The following BATF3 variants were observed in gnomAD, a reference collection of about 807,000 sequenced individuals.
BATF3 encodes the protein basic leucine zipper ATF-like transcription factor 3, also known as basic leucine zipper transcriptional factor ATF-like 3.
In BATF3, 8 loss-of-function variants were observed where a neutral mutation model predicts 16.1. The ratio of observed to expected loss-of-function variants is 0.50; its 90% confidence interval spans 0.29 to 0.90. The LOEUF is 0.90. Ranked by LOEUF, BATF3 falls within the 40% of genes least tolerant of loss-of-function variation. BATF3 has a pLI of 0.08. For synonymous variants in BATF3, 74 were observed against 72.7 expected (o/e 1.02, Z -0.09); for missense variants, 139 against 167.0 (o/e 0.83, Z 0.92).
intron 2 of BATF3, among the ~76,000 whole-genome samples, chr1:212,690,014 C>A (rs1257289509): frequency 6.6e-6 from 1 of 151,748 alleles, no homozygotes; most frequent in Non-Finnish European, 1.5e-5. Flanking sequence ...CTCACACAGT[C>A]ACACACACTC....
Position 212,689,825 on chromosome 1 carries a change from A to T in BATF3, c.196-2846T>A, listed in dbSNP as rs1045050564. The stretch of plus-strand genomic sequence containing the variant: ...TACACAGCCCGACACACACACTCTC[A>T]CACACACACACTCATACACAACCAC... On this transcript the variant is annotated intron_variant, in intron 2 of 2. Coordinates refer to ENST00000243440, the MANE Select transcript of BATF3 (RefSeq NM_018664.3). The surrounding 1 kb of genome is among the most constrained non-coding windows in gnomAD (Gnocchi z 4.6). 7.2e-6 allele frequency among the ~76,000 whole-genome samples: 1 copy of T among 138,270 alleles called. No individual in the cohort carries two copies. Among genetic ancestry groups the T allele is most frequent in the Non-Finnish European group, 1.5e-5 (1 of 67,566 alleles). The allele number at this position is 138,270 out of a possible 152,430, so 90.7% of individuals were successfully genotyped here. A position where few individuals can be genotyped will look rare whatever the true frequency, so the allele number is the denominator to read the frequency against.
chr1:212,696,390 C>T (rs768740044), intron 2 of BATF3, among the ~76,000 whole-genome samples: 1 of 151,642 alleles, frequency 6.6e-6, no homozygotes, highest in Non-Finnish European at 1.5e-5. Context: ...AGTGCCAGGG[C>T]ACTGATGGCT....
rs767493633 is a variant in BATF3, at chr1:212,686,880, C to T, written c.295G>A (p.Glu99Lys). 2.5e-6 allele frequency: 4 copies of T among 1,614,214 alleles called. No individual in the cohort carries two copies. The highest frequency in any genetic ancestry group is 2.2e-5 in the East Asian group (1 of 44,886). The change falls in exon 3 of 3, where the codon GAG becomes AAG. Residue 99 changes from glutamate (E) to lysine (K), a missense_variant. Coordinates refer to ENST00000243440, the MANE Select transcript of BATF3 (RefSeq NM_018664.3). ...CAGAGCAGCAGCGGGCACATCTTCT[C>T]GTGCTCCTTCAGTGCCTCTGTCAGG... ...KHLTEALKEH[E>K]KMCPLLLCPM...
At chr1:212,695,484 C>T (rs1438650015) in intron 2 of BATF3, among the ~76,000 whole-genome samples, 2 of 93,596 alleles carry the variant, frequency 2.1e-5, no homozygotes, top group Non-Finnish European at 4.0e-5. Flanking sequence ...AACAGAGACT[C>T]TGTCTCAAAA....
At chr1:212,696,886 C>T in intron 2 of BATF3, 75 bp downstream of exon 2, 3 of 1,062,376 alleles carry the variant, frequency 2.8e-6, no homozygotes, top group South Asian at 1.3e-5. Context: ...ATAAAGAGAA[C>T]AGTCATCACC....
Position 212,699,664 on chromosome 1 carries a change from GC to G in BATF3, c.90+8del. 1 of 1,323,588 alleles carries G rather than the reference GC, an allele frequency of 7.6e-7. No homozygotes were observed. Among genetic ancestry groups the G allele is most frequent in the Non-Finnish European group, 9.7e-7 (1 of 1,033,594 alleles). 82.0% of individuals were successfully genotyped at this position (1,323,588 alleles called of 1,614,324 possible). On this transcript the variant is annotated splice_region_variant and intron_variant, in intron 1 of 2. Coordinates refer to ENST00000243440, the MANE Select transcript of BATF3 (RefSeq NM_018664.3). This position sits in a 1 kb window ranked among gnomAD's most constrained non-coding sequence, Gnocchi z 4.4. Reference sequence around the variant, plus strand: ...CCCCACGGCCCTCCCTGAGCCTCTCGCCCTCTACCTGCTGCTGCGGCTGCGG... The same window carrying G: ...CCCCACGGCCCTCCCTGAGCCTCTCGCCTCTACCTGCTGCTGCGGCTGCGG...
rs1276943160 is a variant in BATF3, at chr1:212,689,811, A to G, written c.196-2832T>C. Among the ~76,000 whole-genome samples, 1 of 150,080 alleles carries G rather than the reference A, an allele frequency of 6.7e-6. No individual in the cohort carries two copies. Among genetic ancestry groups the G allele is most frequent in the African/African-American group, 2.5e-5 (1 of 39,738 alleles). On this transcript the variant is annotated intron_variant, in intron 2 of 2. Transcript: ENST00000243440. The surrounding 1 kb of genome is among the most constrained non-coding windows in gnomAD (Gnocchi z 4.6). ...CTCACACACTCTCATACACAGCCCG[A>G]CACACACACTCTCACACACACACAC... is the stretch of plus-strand genomic sequence containing the variant.
chr1:212,694,701 A>T (rs964118485), intron 2 of BATF3, among the ~76,000 whole-genome samples: 3 of 152,212 alleles, frequency 2.0e-5, no homozygotes, highest in Admixed American at 6.5e-5. Flanking sequence ...TATTTTGGTA[A>T]CATGACACTA....
chr1:212,696,671 G>A (rs565390217), intron 2 of BATF3, among the ~76,000 whole-genome samples: 4 of 152,226 alleles, frequency 2.6e-5, no homozygotes, highest in African/African-American at 9.6e-5. Flanking sequence ...AAGTAAGGAC[G>A]TGAGGGAAGA....
At chr1:212,692,282 C>T (rs1452404291) in intron 2 of BATF3, among the ~76,000 whole-genome samples, 2 of 152,136 alleles carry the variant, frequency 1.3e-5, no homozygotes, top group African/African-American at 4.8e-5. Flanking sequence ...TTCAGCAGCA[C>T]ATACATTAAA....
At chr1:212,695,946 C>G (rs563594378) in intron 2 of BATF3, among the ~76,000 whole-genome samples, 1 of 152,234 alleles carries the variant, frequency 6.6e-6, no homozygotes, top group African/African-American at 2.4e-5. Context: ...GAGAAAGTCT[C>G]AGGGTAAACG....
chr1:212,695,284 G>A (rs1657097646), intron 2 of BATF3, among the ~76,000 whole-genome samples: 1 of 151,998 alleles, frequency 6.6e-6, no homozygotes, highest in Non-Finnish European at 1.5e-5. Context: ...CACGAGGTGA[G>A]GAGTTCGAGA....
chr1:212,692,419 C>T (rs1030602701), intron 2 of BATF3, among the ~76,000 whole-genome samples: 4 of 152,078 alleles, frequency 2.6e-5, no homozygotes, highest in Non-Finnish European at 5.9e-5. Context: ...AAACCAGAGG[C>T]TCAAGTATAG....
Position 212,699,256 on chromosome 1 carries a change from A to ACAC in BATF3, c.90+416_90+417insGTG, listed in dbSNP as rs1657204349. Among the ~76,000 whole-genome samples, 1 of 151,070 alleles carries ACAC rather than the reference A, an allele frequency of 6.6e-6. No homozygotes were observed. Among genetic ancestry groups the ACAC allele is most frequent in the Non-Finnish European group, 1.5e-5 (1 of 67,692 alleles). On this transcript the variant is annotated intron_variant, in intron 1 of 2. Transcript: ENST00000243440. The surrounding 1 kb of genome is among the most constrained non-coding windows in gnomAD (Gnocchi z 4.4). The stretch of plus-strand genomic sequence containing the variant: ...CGGCGTTCTCCATTCCCGCGGCAGC[A>ACAC]CCCCCCCCACCCGGGGGAATCCTGG...
intron 2 of BATF3, among the ~76,000 whole-genome samples, chr1:212,688,065 G>GAAAAA: frequency 7.1e-6 from 1 of 139,974 alleles, no homozygotes; most frequent in African/African-American, 2.6e-5. Flanking sequence ...AGAGAGAAAA[G>GAAAAA]AAAAAAAAAA....
At position 212,690,521 on chromosome 1, in the gene BATF3, G is replaced by A. The variant is rs114509828; in HGVS notation, c.196-3542C>T. Among the ~76,000 whole-genome samples, 660 of 152,300 alleles carry A rather than the reference G, an allele frequency of 4.3e-3. 6 individuals carry two copies. The highest frequency in any genetic ancestry group is 0.015 in the African/African-American group (642 of 41,576). On this transcript the variant is annotated intron_variant, in intron 2 of 2. Coordinates refer to ENST00000243440, the MANE Select transcript of BATF3 (RefSeq NM_018664.3). ...AGAAGTCAAAATCTTTAGGTGAGAC[G>A]AGCCCTTTGAAAATAACAAGAGGAG...
intron 1 of BATF3, chr1:212,698,865 A>T (rs1657191385): frequency 6.6e-6 from 1 of 152,240 alleles, no homozygotes; most frequent in Non-Finnish European, 1.5e-5. Flanking sequence ...CATTTTACAG[A>T]TGGGGAAATG....
intron 2 of BATF3, among the ~76,000 whole-genome samples, chr1:212,692,136 C>T (rs542055545): frequency 6.6e-6 from 1 of 152,322 alleles, no homozygotes; most frequent in South Asian, 2.1e-4. Flanking sequence ...CCACAGAGGG[C>T]TCGCCTTGAC....
At chr1:212,688,771 T>C (rs1342984272) in intron 2 of BATF3, among the ~76,000 whole-genome samples, 2 of 152,236 alleles carry the variant, frequency 1.3e-5, no homozygotes, top group Non-Finnish European at 2.9e-5. Context: ...ATTTAAATCT[T>C]GCTGAAATGT....
Sources: gnomAD v4.1 joint callset for allele counts (sites outside exome capture counted in the v4.1 genomes callset) on GRCh38, gnomAD v4.1.1 for gene constraint, Gnocchi (gnomAD v3.1) non-coding constraint, MANE v1.5 for transcripts, NCBI Gene and HGNC (gene_info 2026-07-23, HGNC 2026-07-21) for gene names.